The following TTYH3 variants were observed in gnomAD, a reference collection of about 807,000 sequenced individuals.
The protein encoded by TTYH3 is protein tweety homolog 3.
In TTYH3, 23 loss-of-function variants were observed where a neutral mutation model predicts 68.2. The observed-to-expected ratio is 0.34, with a 90% CI of 0.24 to 0.48. The LOEUF (loss-of-function observed/expected upper bound fraction) is 0.48. Ranked by LOEUF, TTYH3 falls within the 20% of genes least tolerant of loss-of-function variation. The pLI, the probability that TTYH3 is intolerant of heterozygous loss-of-function variation, is 0.99. For missense variants in TTYH3, 768 were observed against 727.7 expected (o/e 1.06, Z -0.64); for synonymous variants, 360 against 332.8 (o/e 1.08, Z -0.89).
chr7:2,632,567 G>A (rs530551755), intron 1 of TTYH3, among the ~76,000 whole-genome samples: 1 of 152,268 alleles, frequency 6.6e-6, no homozygotes, highest in South Asian at 2.1e-4. Context: ...TTCCCTTCTG[G>A]TGTCACTAAG....
intron 1 of TTYH3, among the ~76,000 whole-genome samples, chr7:2,633,454 C>T (rs916713642): frequency 2.0e-5 from 3 of 152,140 alleles, no homozygotes; most frequent in Non-Finnish European, 4.4e-5. Context: ...CCAGCCGAGC[C>T]GATGACGTTT....
rs770954009 is a variant in TTYH3 at position 2,647,099 on chromosome 7, TG to T, written c.294-42del. ...GGGGGCGGGGCTGGAGTGGGGTGTG[TG>T]TGGGTGGGCGGGGCTACATCTCACG... On this transcript the variant is annotated intron_variant, in intron 2 of 13. Transcript: ENST00000258796. 10 of 1,519,144 alleles carry T rather than the reference TG, an allele frequency of 6.6e-6. No individual in the cohort carries two copies. In the East Asian group the frequency reaches 9.6e-5, roughly 15 times the overall value. 94.1% of individuals were successfully genotyped at this position (1,519,144 alleles called of 1,614,324 possible). A position where few individuals can be genotyped will look rare whatever the true frequency, so the allele number is the denominator to read the frequency against.
At chr7:2,637,822 G>A (rs1201324358) in intron 1 of TTYH3, among the ~76,000 whole-genome samples, 1 of 152,188 alleles carries the variant, frequency 6.6e-6, no homozygotes, top group East Asian at 1.9e-4. Context: ...CACCATCCGA[G>A]GGGGCTTCTC....
rs375785470 is a variant in TTYH3, at chr7:2,652,215, G to A, written c.900G>A (p.Ser300=). 1.6e-5 allele frequency: 26 copies of A among 1,612,958 alleles called. No individual in the cohort carries two copies. The African/African-American group carries it at 1.7e-4, about 11-fold the overall frequency. ...TCCTGCAGTACTACCTGGCCTGCTCGCCCCGCGCCGCCAACCCCTTCCAGC... is the reference window on the plus strand; with the variant it reads ...TCCTGCAGTACTACCTGGCCTGCTCACCCCGCGCCGCCAACCCCTTCCAGC... The part of the protein sequence containing the change: ...GDILQYYLAC[S]PRAANPFQQK... Residue 300 remains serine (S), a synonymous_variant, in exon 8 of 14, where the codon TCG becomes TCA. Coordinates refer to ENST00000258796, the MANE Select transcript of TTYH3 (RefSeq NM_025250.3).
At chr7:2,635,418 C>G (rs1293584880) in intron 1 of TTYH3, among the ~76,000 whole-genome samples, 1 of 152,224 alleles carries the variant, frequency 6.6e-6, no homozygotes. Context: ...CCCACCAGCC[C>G]TTTGTGACCC....
rs2115004589 is a variant in TTYH3, at chr7:2,664,590, A to G, written c.*2851A>G. On this transcript the variant is annotated 3_prime_UTR_variant, in exon 14 of 14. Transcript: ENST00000258796. ...ACATCCAGGAACTGAGGCCTGAACC[A>G]TTTTGCATTTCCCCCTCCTCCAGCC... 6.7e-6 allele frequency: 1 copy of G among 149,400 alleles called. No individual in the cohort carries two copies. 9.3% of individuals were successfully genotyped at this position (149,400 alleles called of 1,614,324 possible). A position where few individuals can be genotyped will look rare whatever the true frequency, so the allele number is the denominator to read the frequency against.
At chr7:2,660,512 T>C (rs1164340628) in intron 13 of TTYH3, 1 of 985,168 alleles carries the variant, frequency 1.0e-6, no homozygotes, top group Non-Finnish European at 1.2e-6. Flanking sequence ...GGGTGCCTGC[T>C]TGGGCTCCTT....
At chr7:2,653,041 G>A (rs1385776246) in intron 9 of TTYH3, 31 bp downstream of exon 9, 3 of 1,536,718 alleles carry the variant, frequency 2.0e-6, no homozygotes, top group Admixed American at 4.0e-5. Flanking sequence ...CACTGGGGCA[G>A]GCAGGGCTCC....
chr7:2,659,726 T>C (rs1044322278), intron 13 of TTYH3, among the ~76,000 whole-genome samples: 29 of 152,086 alleles, frequency 1.9e-4, no homozygotes, highest in Middle Eastern at 6.8e-3. Context: ...GCCACTGTCA[T>C]GGTCCCCTGT....
At chr7:2,634,537 G>A (rs1464957884) in intron 1 of TTYH3, among the ~76,000 whole-genome samples, 1 of 144,602 alleles carries the variant, frequency 6.9e-6, no homozygotes. Context: ...TGGGGAGTGG[G>A]CATCTGCCCC....
At chr7:2,647,306 A>C in intron 3 of TTYH3, 53 bp downstream of exon 3, 1 of 1,531,102 alleles carries the variant, frequency 6.5e-7, no homozygotes, top group Non-Finnish European at 8.8e-7. Flanking sequence ...CCGGAGCCCC[A>C]CGTCTGCGCG....
At chr7:2,641,727 C>T (rs576449335) in intron 1 of TTYH3, among the ~76,000 whole-genome samples, 58 of 152,372 alleles carry the variant, frequency 3.8e-4, no homozygotes, top group African/African-American at 1.3e-3. Flanking sequence ...GCCGCTGGCC[C>T]GGTGCCCCGC....
At chr7:2,654,442 T>C (rs1458594637) in intron 9 of TTYH3, among the ~76,000 whole-genome samples, 1 of 151,490 alleles carries the variant, frequency 6.6e-6, no homozygotes, top group South Asian at 2.1e-4. Context: ...ATAACATATA[T>C]ACACACACAT....
intron 1 of TTYH3, among the ~76,000 whole-genome samples, chr7:2,634,777 T>C (rs1483913883): frequency 6.6e-6 from 1 of 151,502 alleles, no homozygotes; most frequent in Non-Finnish European, 1.5e-5. Flanking sequence ...GTGGGGAGAG[T>C]TGTCCATTGT....
At chr7:2,658,572 G>A in intron 12 of TTYH3, 113 bp downstream of exon 12, 2 of 1,351,866 alleles carry the variant, frequency 1.5e-6, no homozygotes, top group South Asian at 2.9e-5. Flanking sequence ...CGGCCTCCGG[G>A]CTGGGCAGCC....
chr7:2,646,983 G>A lies in TTYH3; in HGVS notation c.254G>A (p.Cys85Tyr). Residue 85 changes from cysteine (C) to tyrosine (Y), a missense_variant, in exon 2 of 14, where the codon TGC (cysteine) becomes TAC (tyrosine). Transcript: ENST00000258796. ...SEEHLDADCC[C>Y]TAWCVIIATL... ...GAGCACCTGGACGCCGACTGCTGCT[G>A]CACGGCCTGGTGTGTCATCATCGCC... The A allele has an allele frequency of 6.3e-7, 1 of 1,590,898 alleles. No individual in the cohort carries two copies.
At chr7:2,644,290 C>T (rs1349670065) in intron 1 of TTYH3, among the ~76,000 whole-genome samples, 2 of 152,158 alleles carry the variant, frequency 1.3e-5, no homozygotes, top group African/African-American at 4.8e-5. Context: ...CCACTCCATT[C>T]CCAGCCCCAC....
At chr7:2,652,819 C>G in intron 8 of TTYH3, 99 bp from the exon 9 acceptor site, 2 of 939,868 alleles carry the variant, frequency 2.1e-6, no homozygotes, top group Non-Finnish European at 3.3e-6. Flanking sequence ...GTCTCCCAGG[C>G]TGGACGTCTT....
chr7:2,658,884 C>T (rs1447656299), intron 12 of TTYH3, 56 bp from the exon 13 acceptor site: 1 of 1,568,356 alleles, frequency 6.4e-7, no homozygotes, highest in Non-Finnish European at 8.8e-7. Flanking sequence ...CCCCGACCTG[C>T]AGCTGGGACT....
Sources: allele counts gnomAD v4.1 joint callset (sites outside exome capture counted in the v4.1 genomes callset), GRCh38; gene constraint gnomAD v4.1.1; transcripts MANE v1.5; gene names NCBI Gene and HGNC (gene_info 2026-07-23, HGNC 2026-07-21).